Variants in RBFOX1 observed in about 807,000 individuals in gnomAD.
RBFOX1 encodes RNA binding fox-1 homolog 1.
RBFOX1 carries 8 observed loss-of-function variants against 57.7 expected under a neutral mutation model. That is an observed-to-expected ratio of 0.14 (90% CI 0.08 to 0.25). RBFOX1 has a LOEUF of 0.25. RBFOX1 is among the 10% of genes least tolerant of loss of function. The probability of loss-of-function intolerance (pLI) is 1.00; values close to 1 mark genes in which losing one functional copy is unlikely to be tolerated. For synonymous variants in RBFOX1, 326 were observed against 222.4 expected (o/e 1.47, Z -4.15); for missense variants, 611 against 548.5 (o/e 1.11, Z -1.14).
chr16:6,546,948 T>G (rs1364367522), intron 2 of RBFOX1, among the ~76,000 whole-genome samples: 4 of 152,180 alleles, frequency 2.6e-5, no homozygotes, highest in African/African-American at 9.7e-5. Context: ...GGTCCGTAGA[T>G]TCAATTAACT....
chr16:7,042,513 G>C (rs41433747), intron 3 of RBFOX1, among the ~76,000 whole-genome samples: 14,348 of 152,228 alleles, frequency 0.094, 1,111 homozygotes, highest in East Asian at 0.32. Flanking sequence ...ATTGTCAGCT[G>C]CTTACAAAGT....
chr16:6,218,506 T>A (rs2097350844), intron 1 of RBFOX1, among the ~76,000 whole-genome samples: 1 of 152,036 alleles, frequency 6.6e-6, no homozygotes, highest in Non-Finnish European at 1.5e-5. Context: ...GATGGGATTC[T>A]ACCCTGTTTG....
In RBFOX1 at chr16:6,343,508, G is replaced by A. The variant is rs111798498; in HGVS notation, c.-64+26451G>A. Among the ~76,000 whole-genome samples the A allele has an allele frequency of 1.4e-3, 216 of 152,252 alleles. 1 individual carries two copies. Among genetic ancestry groups the A allele is most frequent in the African/African-American group, 5.0e-3 (206 of 41,544 alleles). On this transcript the variant is annotated intron_variant, in intron 2 of 15. Coordinates refer to ENST00000550418, the MANE Select transcript of RBFOX1 (RefSeq NM_018723.4). ...CTCAGCCTCTTCTTATCCCTCCTGA[G>A]GTGGAACATATTTCCTGTTCTCTTT...
intron 1 of RBFOX1, among the ~76,000 whole-genome samples, chr16:6,105,883 A>T (rs2096372379): frequency 6.6e-6 from 1 of 152,060 alleles, no homozygotes; most frequent in African/African-American, 2.4e-5. Context: ...ATTTTCCTCC[A>T]TGTCATTAAA....
chr16:6,158,909 TG>T (rs2096857476), intron 1 of RBFOX1, among the ~76,000 whole-genome samples: 1 of 93,722 alleles, frequency 1.1e-5, no homozygotes, highest in South Asian at 3.5e-4. Context: ...GTCATAGGTT[TG>T]TTTTTTTTTT....
intron 1 of RBFOX1, among the ~76,000 whole-genome samples, chr16:5,276,674 TCAGGCGGCTGAGACAGGAGAA>T (rs2063149844): frequency 6.6e-6 from 1 of 152,122 alleles, no homozygotes; most frequent in Non-Finnish European, 1.5e-5. Flanking sequence ...TCCCAGCTAC[TCAGGCGGCTGAGACAGGAGAA>T]TTGCTTGAAC....
chr16:6,755,455 G>T (rs930114416), intron 3 of RBFOX1, among the ~76,000 whole-genome samples: 1 of 152,184 alleles, frequency 6.6e-6, no homozygotes, highest in African/African-American at 2.4e-5. Context: ...GATGGCCAGT[G>T]ATGGTGAGCA....
At chr16:6,819,434 C>G (rs770461409) in intron 3 of RBFOX1, among the ~76,000 whole-genome samples, 2 of 152,042 alleles carry the variant, frequency 1.3e-5, no homozygotes, top group African/African-American at 4.8e-5. Flanking sequence ...AAAGGTAGGC[C>G]GGGCATGGTG....
At chr16:5,451,156 A>T (rs1419946622) in intron 1 of RBFOX1, among the ~76,000 whole-genome samples, 1 of 152,142 alleles carries the variant, frequency 6.6e-6, no homozygotes, top group Non-Finnish European at 1.5e-5. Context: ...AGTCTGTCTG[A>T]TGTGAGAGAA....
chr16:7,636,237 A>C (rs918043144), intron 11 of RBFOX1, among the ~76,000 whole-genome samples: 4 of 152,256 alleles, frequency 2.6e-5, no homozygotes, highest in Non-Finnish European at 1.5e-5. Flanking sequence ...CCCTTCCAGC[A>C]TGCTTGCCAG....
chr16:7,311,558 A>G (rs769461888), intron 4 of RBFOX1, among the ~76,000 whole-genome samples: 1 of 149,040 alleles, frequency 6.7e-6, no homozygotes, highest in Non-Finnish European at 1.5e-5. Context: ...AAAAACAGTA[A>G]CAAACATCCC....
At chr16:5,550,908 A>T (rs2045435971) in intron 2 of RBFOX1, among the ~76,000 whole-genome samples, 1 of 152,184 alleles carries the variant, frequency 6.6e-6, no homozygotes, top group Non-Finnish European at 1.5e-5. Context: ...AGAAAATGGT[A>T]TATCCACATA....
chr16:7,465,936 C>G (rs910878789), intron 4 of RBFOX1, among the ~76,000 whole-genome samples: 1 of 152,204 alleles, frequency 6.6e-6, no homozygotes, highest in African/African-American at 2.4e-5. Flanking sequence ...AATTTTGTTG[C>G]TTAAAAGAAT....
chr16:5,838,914 G>T (rs2056542840), intron 3 of RBFOX1, among the ~76,000 whole-genome samples: 1 of 152,186 alleles, frequency 6.6e-6, no homozygotes, highest in African/African-American at 2.4e-5. Context: ...TGCTCAAGAT[G>T]ACTTTGAGAG....
intron 4 of RBFOX1, among the ~76,000 whole-genome samples, chr16:5,994,605 C>G (rs990505776): frequency 1.3e-5 from 2 of 151,960 alleles, no homozygotes; most frequent in African/African-American, 2.4e-5. Flanking sequence ...TGTGTAGGTC[C>G]TACAGTCTCC....
intron 3 of RBFOX1, among the ~76,000 whole-genome samples, chr16:6,679,519 C>G (rs2058290371): frequency 1.3e-5 from 2 of 152,242 alleles, no homozygotes; most frequent in East Asian, 1.9e-4. Flanking sequence ...TGGATCACAT[C>G]TTACAGAGCA....
chr16:6,354,065 C>A (rs1221024494), intron 2 of RBFOX1, among the ~76,000 whole-genome samples: 3 of 152,054 alleles, frequency 2.0e-5, no homozygotes, highest in African/African-American at 7.2e-5. Flanking sequence ...ACCAAAAATA[C>A]AAAAATTAGC....
chr16:6,379,434 G>C (rs1305521466), intron 2 of RBFOX1, among the ~76,000 whole-genome samples: 3 of 151,998 alleles, frequency 2.0e-5, no homozygotes, highest in East Asian at 1.9e-4. Context: ...ACTTTCACTT[G>C]TCTCAGTGAA....
chr16:6,728,792 A>C (rs938978930), intron 3 of RBFOX1, among the ~76,000 whole-genome samples: 1 of 152,174 alleles, frequency 6.6e-6, no homozygotes. Flanking sequence ...ATTGTAGGTC[A>C]TTATGTGAAA....
Sources: gnomAD v4.1 joint callset for allele counts (sites outside exome capture counted in the v4.1 genomes callset) on GRCh38, gnomAD v4.1.1 for gene constraint, MANE v1.5 for transcripts, NCBI Gene and HGNC (gene_info 2026-07-23, HGNC 2026-07-21) for gene names.